PRRG1: variants seen among roughly 807,000 people sequenced by gnomAD.
The protein encoded by PRRG1 is transmembrane gamma-carboxyglutamic acid protein 1.
In PRRG1, 5 loss-of-function variants were observed where a neutral mutation model predicts 11.8. The observed-to-expected ratio is 0.42, with a 90% CI of 0.22 to 0.89. The LOEUF (loss-of-function observed/expected upper bound fraction) is 0.89. PRRG1 is among the 40% of genes least tolerant of loss of function. The probability of loss-of-function intolerance (pLI) is 0.28; values close to 1 mark genes in which losing one functional copy is unlikely to be tolerated. For missense variants in PRRG1, 155 were observed against 166.1 expected, an observed-to-expected ratio of 0.93 and a Z score of 0.37; for synonymous variants, 66 against 60.4, an observed-to-expected ratio of 1.09 and a Z score of -0.43.
At chrX:37,371,700 A>T (rs188717816) in intron 1 of PRRG1, among the ~76,000 whole-genome samples, 27 of 112,959 alleles carry the variant, frequency 2.4e-4, no homozygotes, top group African/African-American at 7.7e-4. Flanking sequence ...TGGCCCAGCC[A>T]CAGCCTTGCA....
rs1556388304 is a variant in PRRG1 at position 37,425,974 on chromosome X, G to GAA, written c.146_147dup (p.Ala50LysfsTer39). 1 of 1,183,987 alleles carries GAA rather than the reference G, an allele frequency of 8.4e-7. No homozygotes were observed. The highest frequency in any genetic ancestry group is 1.1e-6 in the Non-Finnish European group (1 of 884,303). On this transcript the variant is annotated frameshift_variant, in exon 3 of 4. Transcript: ENST00000378628. LOFTEE classifies it high-confidence loss of function. ...ATTCTGTACATTTGAAGAAGCAAGA[G>GAA]AAGCTTTTGAAAATAATGAAAAAAC...
intron 3 of PRRG1, among the ~76,000 whole-genome samples, chrX:37,435,498 G>A (rs139025597): frequency 0.019 from 2,140 of 110,261 alleles, 54 homozygotes; most frequent in African/African-American, 0.067. Flanking sequence ...AAGGATCAGC[G>A]GGTGGGGGGA....
Position 37,373,976 on chromosome X carries a change from C to T in PRRG1, c.-42+24581C>T, listed in dbSNP as rs192467709. Among the ~76,000 whole-genome samples the T allele has an allele frequency of 6.3e-5, 7 of 111,473 alleles. No homozygotes were observed. The East Asian group carries it at 2.0e-3, about 31-fold the overall frequency. ...TGTACCTAATTTGTTGAGAGTTTAT[C>T]AGGAAACAATGTTGAATTTTATCAA... On this transcript the variant is annotated intron_variant, in intron 1 of 3. Transcript: ENST00000378628.
intron 1 of PRRG1, among the ~76,000 whole-genome samples, chrX:37,382,496 A>G (rs1312508311): frequency 9.0e-6 from 1 of 111,613 alleles, no homozygotes; most frequent in African/African-American, 3.2e-5. Flanking sequence ...AAATATAATC[A>G]AATCTTAAAG....
At position 37,453,704 on chromosome X, in the gene PRRG1, C is replaced by A; in HGVS notation, c.*83C>A. 1 of 954,526 alleles carries A rather than the reference C, an allele frequency of 1.0e-6. No individual in the cohort carries two copies. Among genetic ancestry groups the A allele is most frequent in the Non-Finnish European group, 1.4e-6 (1 of 719,646 alleles). 78.7% of individuals were successfully genotyped at this position (954,526 alleles called of 1,213,427 possible). A position where few individuals can be genotyped will look rare whatever the true frequency, so the allele number is the denominator to read the frequency against. On this transcript the variant is annotated 3_prime_UTR_variant, in exon 4 of 4. Transcript: ENST00000378628. ...AGCACTTTACCACTACATAAATGTT[C>A]ATTGACTTATTTTATTGGACTCTTA...
intron 1 of PRRG1, among the ~76,000 whole-genome samples, chrX:37,403,063 T>A (rs1932063260): frequency 1.8e-5 from 2 of 109,585 alleles, no homozygotes; most frequent in Non-Finnish European, 3.8e-5. Flanking sequence ...ATTGTGGAAG[T>A]CAGTGTGGCG....
rs1456519224 is a variant in PRRG1 at position 37,455,798 on chromosome X, T to G, written c.*2177T>G. ...GTGAACTGTGTATGTATGTGTGGGG[T>G]TTTTTTCTTTATTTTTAAATGAAAA... On this transcript the variant is annotated 3_prime_UTR_variant, in exon 4 of 4. Coordinates refer to ENST00000378628, the MANE Select transcript of PRRG1 (RefSeq NM_001142395.2). The G allele has an allele frequency of 8.9e-6, 1 of 112,162 alleles. No individual in the cohort carries two copies. Among genetic ancestry groups the G allele is most frequent in the African/African-American group, 3.2e-5 (1 of 30,878 alleles). The allele number at this position is 112,162 out of a possible 1,213,427, so 9.2% of individuals were successfully genotyped here. A position where few individuals can be genotyped will look rare whatever the true frequency, so the allele number is the denominator to read the frequency against.
intron 1 of PRRG1, among the ~76,000 whole-genome samples, chrX:37,388,318 G>A (rs1475447104): frequency 3.5e-5 from 4 of 112,785 alleles, no homozygotes; most frequent in Non-Finnish European, 7.5e-5. Context: ...CAGTGGTGAC[G>A]TGTGTGGGGG....
Position 37,377,442 on chromosome X carries a change from G to A in PRRG1, c.-42+28047G>A, listed in dbSNP as rs137855195. Among the ~76,000 whole-genome samples the A allele has an allele frequency of 5.2e-3, 580 of 111,901 alleles. 2 individuals carry two copies. Among genetic ancestry groups the A allele is most frequent in the Non-Finnish European group, 7.1e-3 (374 of 52,995 alleles). ...AGTCTCAAGTAATTAAGTGTGTAGC[G>A]TAGCAAATAATGACTTTCTCTAATA... is the stretch of plus-strand genomic sequence containing the variant. On this transcript the variant is annotated intron_variant, in intron 1 of 3. Transcript: ENST00000378628.
At chrX:37,452,697 A>G (rs1377297663) in intron 3 of PRRG1, among the ~76,000 whole-genome samples, 2 of 112,114 alleles carry the variant, frequency 1.8e-5, no homozygotes, top group African/African-American at 6.5e-5. Flanking sequence ...GAGTACTGAA[A>G]GACTACAACT....
At chrX:37,374,282 A>G (rs1556371531) in intron 1 of PRRG1, among the ~76,000 whole-genome samples, 2 of 111,579 alleles carry the variant, frequency 1.8e-5, no homozygotes, top group African/African-American at 6.5e-5. Context: ...TTAAGCATTA[A>G]CTGAATTGTT....
At chrX:37,406,403 G>C (rs1429180036) in intron 2 of PRRG1, 144 bp downstream of exon 2, 1 of 561,412 alleles carries the variant, frequency 1.8e-6, no homozygotes, top group Admixed American at 3.5e-5. Context: ...CTGAAGCAGG[G>C]CTTTTCAGAG....
At chrX:37,414,102 A>G (rs1370577614) in intron 2 of PRRG1, among the ~76,000 whole-genome samples, 1 of 111,764 alleles carries the variant, frequency 8.9e-6, no homozygotes, top group African/African-American at 3.3e-5. Context: ...TAAGCGACAC[A>G]TGACCAAATG....
chrX:37,354,001 C>T (rs1273514691), intron 1 of PRRG1, among the ~76,000 whole-genome samples: 2 of 112,519 alleles, frequency 1.8e-5, no homozygotes, highest in African/African-American at 3.2e-5. Context: ...CAATTAACTT[C>T]AGAATGTGGA....
At chrX:37,388,643 G>A (rs1931416570) in intron 1 of PRRG1, among the ~76,000 whole-genome samples, 1 of 113,321 alleles carries the variant, frequency 8.8e-6, no homozygotes, top group Non-Finnish European at 1.9e-5. Context: ...GGGCAGCAGG[G>A]CCCTGGGCCT....
intron 2 of PRRG1, among the ~76,000 whole-genome samples, chrX:37,415,229 C>T (rs1157178489): frequency 1.8e-5 from 2 of 111,326 alleles, no homozygotes; most frequent in Admixed American, 9.5e-5. Context: ...ACCAACATGG[C>T]GAAGCCCCGT....
chrX:37,361,530 T>C (rs1236672965), intron 1 of PRRG1, among the ~76,000 whole-genome samples: 1 of 111,874 alleles, frequency 8.9e-6, no homozygotes, highest in African/African-American at 3.3e-5. Context: ...AACTTTTAGG[T>C]ACATTTTTTC....
At chrX:37,419,245 CCTTT>C (rs1404205677) in intron 2 of PRRG1, among the ~76,000 whole-genome samples, 1 of 111,837 alleles carries the variant, frequency 8.9e-6, no homozygotes, top group Non-Finnish European at 1.9e-5. Context: ...CATAATCTAT[CCTTT>C]CTAAGAGCTT....
intron 2 of PRRG1, among the ~76,000 whole-genome samples, chrX:37,414,799 G>C (rs1932443152): frequency 8.9e-6 from 1 of 112,582 alleles, no homozygotes; most frequent in African/African-American, 3.2e-5. Flanking sequence ...CTGTATTAAT[G>C]TGTGAACAGA....
Sources: gnomAD v4.1 joint callset for allele counts (sites outside exome capture counted in the v4.1 genomes callset) on GRCh38, gnomAD v4.1.1 for gene constraint, MANE v1.5 for transcripts, NCBI Gene and HGNC (gene_info 2026-07-23, HGNC 2026-07-21) for gene names.